Variants in PBRM1 observed in about 807,000 individuals in gnomAD.
The protein encoded by PBRM1 is protein polybromo-1.
In PBRM1, 27 loss-of-function variants were observed where a neutral mutation model predicts 194.5. The observed-to-expected ratio is 0.14, with a 90% confidence interval of 0.10 to 0.19. PBRM1 has a LOEUF of 0.19. PBRM1 is among the 10% of genes least tolerant of loss of function. The pLI is 1.00. For synonymous variants in PBRM1, 655 were observed against 693.2 expected (o/e 0.94, Z 0.87); for missense variants, 1,466 against 2,077.2 (o/e 0.71, Z 5.72).
chr3:52,569,646 G>C (rs1365534809), intron 22 of PBRM1, among the ~76,000 whole-genome samples: 4 of 152,156 alleles, frequency 2.6e-5, no homozygotes, highest in Admixed American at 2.6e-4. Flanking sequence ...AACCTACCTA[G>C]GCATATGGTA....
intron 25 of PBRM1, among the ~76,000 whole-genome samples, chr3:52,561,079 T>C (rs770166517): frequency 9.9e-5 from 15 of 151,952 alleles, no homozygotes; most frequent in Non-Finnish European, 1.8e-4. Context: ...AGTCCATGTC[T>C]GATATTTAAA....
chr3:52,607,065 G>A (rs1281606380), intron 16 of PBRM1, among the ~76,000 whole-genome samples: 1 of 152,112 alleles, frequency 6.6e-6, no homozygotes, highest in Non-Finnish European at 1.5e-5. Flanking sequence ...GGAAATCTAC[G>A]GTATGTAGAC....
At chr3:52,661,451 AG>A (rs1260096979) in intron 4 of PBRM1, among the ~76,000 whole-genome samples, 1 of 152,238 alleles carries the variant, frequency 6.6e-6, no homozygotes, top group Non-Finnish European at 1.5e-5. Flanking sequence ...GGGGAAAGAG[AG>A]AAAAACATGT....
intron 15 of PBRM1, among the ~76,000 whole-genome samples, chr3:52,612,258 C>CAAA (rs566481465): frequency 0.018 from 439 of 23,888 alleles, 42 homozygotes; most frequent in African/African-American, 0.041. Context: ...GATTCCGTCT[C>CAAA]AAAAAAAAAA....
At chr3:52,628,575 AC>A (rs1577049527) in intron 12 of PBRM1, among the ~76,000 whole-genome samples, 2 of 151,580 alleles carry the variant, frequency 1.3e-5, no homozygotes, top group South Asian at 4.2e-4. Flanking sequence ...GGCTTAAGCA[AC>A]CCTCCCACCG....
chr3:52,663,528 T>G lies in PBRM1; in HGVS notation c.385-1252A>C, dbSNP rs138522016. 4.0e-3 allele frequency among the ~76,000 whole-genome samples: 614 copies of G among 152,264 alleles called. 3 individuals are homozygous for G. The highest frequency in any genetic ancestry group is 0.023 in the South Asian group (110 of 4,822). On this transcript the variant is annotated intron_variant, in intron 3 of 29. Transcript: ENST00000296302. ...TCATCCTGGACAAGAAACAAATCATTTCTGGATGAAACCAACTTCAATTTA... is the reference window on the plus strand; with the variant it reads ...TCATCCTGGACAAGAAACAAATCATGTCTGGATGAAACCAACTTCAATTTA...
At chr3:52,640,266 T>C (rs2096019588) in intron 10 of PBRM1, among the ~76,000 whole-genome samples, 1 of 152,046 alleles carries the variant, frequency 6.6e-6, no homozygotes, top group Admixed American at 6.6e-5. Context: ...AAAAGCCCAA[T>C]TTTATTATTT....
intron 6 of PBRM1, among the ~76,000 whole-genome samples, chr3:52,649,105 G>A (rs986272581): frequency 5.9e-5 from 9 of 152,184 alleles, no homozygotes; most frequent in African/African-American, 2.2e-4. Flanking sequence ...GGAAGGTGGA[G>A]AAGGGTAGAG....
At chr3:52,584,984 T>C (rs1249159136) in intron 20 of PBRM1, among the ~76,000 whole-genome samples, 3 of 152,078 alleles carry the variant, frequency 2.0e-5, no homozygotes, top group Admixed American at 2.0e-4. Flanking sequence ...TCAAGATGGG[T>C]TCTCTACCAA....
At chr3:52,569,242 GCT>G (rs1265200531) in intron 22 of PBRM1, among the ~76,000 whole-genome samples, 3 of 146,976 alleles carry the variant, frequency 2.0e-5, no homozygotes, top group African/African-American at 7.6e-5. Context: ...ATGGAGTCTT[GCT>G]CTGTTTCCCA....
chr3:52,673,410 T>A (rs2096998035), intron 2 of PBRM1, among the ~76,000 whole-genome samples: 1 of 151,494 alleles, frequency 6.6e-6, no homozygotes, highest in Non-Finnish European at 1.5e-5. Flanking sequence ...GGCTCATGCC[T>A]GTAATCCCAG....
chr3:52,662,872 C>T (rs2096754365), intron 3 of PBRM1, among the ~76,000 whole-genome samples: 1 of 148,848 alleles, frequency 6.7e-6, no homozygotes, highest in African/African-American at 2.5e-5. Flanking sequence ...CTAATTATTA[C>T]TAATACACTA....
chr3:52,548,614 A>G (rs1473106754), intron 29 of PBRM1, among the ~76,000 whole-genome samples: 1 of 152,040 alleles, frequency 6.6e-6, no homozygotes, highest in Non-Finnish European at 1.5e-5. Context: ...TTTAGTAGAG[A>G]CAGGTTTCAC....
chr3:52,608,593 CATGATAGG>C (rs2094463586), intron 16 of PBRM1, among the ~76,000 whole-genome samples: 1 of 151,640 alleles, frequency 6.6e-6, no homozygotes, highest in Non-Finnish European at 1.5e-5. Context: ...TAGTTCTAAA[CATGATAGG>C]CTGTAAGCTC....
intron 18 of PBRM1, 128 bp from the exon 21 acceptor site, chr3:52,587,638 G>A: frequency 1.5e-6 from 1 of 677,658 alleles, no homozygotes; most frequent in Admixed American, 3.3e-5. Context: ...TTGAATTCCT[G>A]GGCCAAAGTG....
chr3:52,635,050 C>T (rs911280218), intron 10 of PBRM1, among the ~76,000 whole-genome samples: 1 of 152,038 alleles, frequency 6.6e-6, no homozygotes, highest in African/African-American at 2.4e-5. Context: ...ATCAGTCTCC[C>T]GAGTAGCTAA....
Position 52,609,087 on chromosome 3 carries a change from C to A in PBRM1, c.2567+226G>T. On this transcript the variant is annotated intron_variant, in intron 16 of 29. Transcript: ENST00000296302. This position sits in a 1 kb window ranked among gnomAD's most constrained non-coding sequence, Gnocchi z 4.1. ...CTTTTCAAGAGATTTTCAATTTTGT[C>A]TTCCTCCTCACTGGCCTTAAACTAG... The A allele has an allele frequency of 2.4e-6, 1 of 415,802 alleles. No individual in the cohort carries two copies. The highest frequency in any genetic ancestry group is 4.3e-6 in the Non-Finnish European group (1 of 234,308). The allele number at this position is 415,802 out of a possible 1,614,324, so 25.8% of individuals were successfully genotyped here. A position where few individuals can be genotyped will look rare whatever the true frequency, so the allele number is the denominator to read the frequency against.
At chr3:52,565,595 G>C (rs192663373) in intron 22 of PBRM1, among the ~76,000 whole-genome samples, 13 of 151,496 alleles carry the variant, frequency 8.6e-5, no homozygotes, top group African/African-American at 2.9e-4. Flanking sequence ...AGCCATAGAA[G>C]AAAATATTTG....
At chr3:52,597,063 G>C (rs1027083634) in intron 17 of PBRM1, among the ~76,000 whole-genome samples, 18 of 152,148 alleles carry the variant, frequency 1.2e-4, no homozygotes, top group Non-Finnish European at 2.1e-4. Flanking sequence ...TGGCCTGAAT[G>C]TTTCCTCTGT....
Sources: allele counts gnomAD v4.1 joint callset (sites outside exome capture counted in the v4.1 genomes callset), GRCh38; gene constraint gnomAD v4.1.1; non-coding constraint Gnocchi (gnomAD v3.1); transcripts MANE v1.5; gene names NCBI Gene and HGNC (gene_info 2026-07-23, HGNC 2026-07-21).